TCERG1L: variants seen among roughly 807,000 people sequenced by gnomAD.
The protein encoded by TCERG1L is transcription elongation regulator 1 like.
In TCERG1L, 37 loss-of-function variants were observed where a neutral mutation model predicts 56.3. The ratio of observed to expected loss-of-function variants is 0.66; its 90% CI spans 0.51 to 0.87. TCERG1L has a LOEUF of 0.87. Ranked by LOEUF, TCERG1L falls within the 40% of genes least tolerant of loss-of-function variation. TCERG1L has a pLI of 0.00. For synonymous variants in TCERG1L, 324 were observed against 326.3 expected (o/e 0.99, Z 0.08); for missense variants, 799 against 774.2 (o/e 1.03, Z -0.38).
intron 8 of TCERG1L, among the ~76,000 whole-genome samples, chr10:131,124,205 T>C (rs1845542164): frequency 6.6e-6 from 1 of 152,160 alleles, no homozygotes; most frequent in Non-Finnish European, 1.5e-5. Context: ...TCTCCAAGGC[T>C]GTAATTACAG....
At chr10:131,289,474 TGTGA>T (rs200364763) in intron 3 of TCERG1L, among the ~76,000 whole-genome samples, 30 of 147,584 alleles carry the variant, frequency 2.0e-4, no homozygotes, top group East Asian at 4.0e-4. Flanking sequence ...TCGGTGTGTG[TGTGA>T]GTGTATGTGT....
chr10:131,105,543 C>A (rs544857485), intron 9 of TCERG1L, among the ~76,000 whole-genome samples: 1 of 152,278 alleles, frequency 6.6e-6, no homozygotes, highest in Admixed American at 6.5e-5. Context: ...GGCTGGACTC[C>A]AGTCATGAGT....
chr10:131,288,017 T>C (rs1361627879), intron 3 of TCERG1L, among the ~76,000 whole-genome samples: 1 of 152,196 alleles, frequency 6.6e-6, no homozygotes, highest in Non-Finnish European at 1.5e-5. Flanking sequence ...TTTTCTGACT[T>C]CTTCCAGATG....
chr10:131,303,136 T>A (rs893619992), intron 3 of TCERG1L, among the ~76,000 whole-genome samples: 13 of 152,090 alleles, frequency 8.5e-5, no homozygotes, highest in African/African-American at 2.7e-4. Context: ...CCTCTGGGTA[T>A]ATACCCAGTA....
At chr10:131,159,944 C>G (rs1350347246) in intron 6 of TCERG1L, among the ~76,000 whole-genome samples, 1 of 152,192 alleles carries the variant, frequency 6.6e-6, no homozygotes, top group Admixed American at 6.5e-5. Context: ...TGGTGGCGGT[C>G]TGCCAATACT....
chr10:131,215,263 C>T (rs904660759), intron 4 of TCERG1L, among the ~76,000 whole-genome samples: 1 of 152,176 alleles, frequency 6.6e-6, no homozygotes, highest in Admixed American at 6.5e-5. Flanking sequence ...CCACGTCGCC[C>T]CACAGGGAGC....
chr10:131,240,995 G>A (rs1163414670), intron 4 of TCERG1L, among the ~76,000 whole-genome samples: 2 of 152,226 alleles, frequency 1.3e-5, no homozygotes, highest in African/African-American at 2.4e-5. Flanking sequence ...TCCTTCACCG[G>A]GAAAGCACGG....
chr10:131,243,962 G>C (rs1276818205), intron 4 of TCERG1L, among the ~76,000 whole-genome samples: 1 of 152,178 alleles, frequency 6.6e-6, no homozygotes, highest in Admixed American at 6.5e-5. Context: ...CTCTATTTGG[G>C]GATGGTTTGC....
intron 4 of TCERG1L, among the ~76,000 whole-genome samples, chr10:131,198,585 G>C (rs1845392629): frequency 1.3e-5 from 2 of 152,246 alleles, no homozygotes; most frequent in African/African-American, 4.8e-5. Flanking sequence ...TCCAAGGCAG[G>C]TTCCTGGCTG....
chr10:131,100,685 C>A (rs1002359598), intron 10 of TCERG1L, among the ~76,000 whole-genome samples: 1 of 152,188 alleles, frequency 6.6e-6, no homozygotes, highest in Non-Finnish European at 1.5e-5. Context: ...CTGTGCAGCT[C>A]CCCCGGCAGA....
Position 131,093,034 on chromosome 10 carries a change from G to A in TCERG1L, c.*128C>T, listed in dbSNP as rs1169043459. ...GTAATCCTCTGAGAACGAAGACCCC[G>A]CAGTGCCGGTGCCCGCTGGGCCGTG... is the stretch of plus-strand genomic sequence containing the variant. On this transcript the variant is annotated 3_prime_UTR_variant, in exon 12 of 12. Transcript: ENST00000368642. 17 of 862,762 alleles carry A rather than the reference G, an allele frequency of 2.0e-5. No homozygotes were observed. Among genetic ancestry groups the A allele is most frequent in the Admixed American group, 1.7e-4 (6 of 35,880 alleles). 53.4% of individuals were successfully genotyped at this position (862,762 alleles called of 1,614,324 possible). A position where few individuals can be genotyped will look rare whatever the true frequency, so the allele number is the denominator to read the frequency against.
At chr10:131,248,204 C>G (rs1846061618) in intron 4 of TCERG1L, among the ~76,000 whole-genome samples, 1 of 122,204 alleles carries the variant, frequency 8.2e-6, no homozygotes, top group Non-Finnish European at 1.6e-5. Context: ...ACACTACTCA[C>G]ACACAACTCT....
At chr10:131,250,920 A>T (rs1846103461) in intron 4 of TCERG1L, among the ~76,000 whole-genome samples, 1 of 152,098 alleles carries the variant, frequency 6.6e-6, no homozygotes, top group South Asian at 2.1e-4. Context: ...TGCCAGACAC[A>T]TAAAGTCCTT....
chr10:131,169,076 G>A (rs1473923368), intron 4 of TCERG1L, among the ~76,000 whole-genome samples: 1 of 152,144 alleles, frequency 6.6e-6, no homozygotes, highest in Non-Finnish European at 1.5e-5. Flanking sequence ...ATTGCATTAA[G>A]ATTTCCGGAA....
chr10:131,180,130 G>A (rs1263966385), intron 4 of TCERG1L, among the ~76,000 whole-genome samples: 2 of 152,220 alleles, frequency 1.3e-5, no homozygotes, highest in Non-Finnish European at 2.9e-5. Context: ...AGAGGGGAGA[G>A]AGGCTAGGGG....
chr10:131,194,126 C>A (rs572002124), intron 4 of TCERG1L, among the ~76,000 whole-genome samples: 5 of 152,232 alleles, frequency 3.3e-5, no homozygotes, highest in Admixed American at 2.6e-4. Context: ...AGCTTTGACC[C>A]GTGCCAAAGC....
chr10:131,110,502 G>A (rs1247605300), intron 9 of TCERG1L, among the ~76,000 whole-genome samples: 1 of 152,184 alleles, frequency 6.6e-6, no homozygotes, highest in African/African-American at 2.4e-5. Flanking sequence ...AGCACCCACA[G>A]CAGCTTGAGC....
At chr10:131,155,432 C>T (rs780561311) in intron 6 of TCERG1L, among the ~76,000 whole-genome samples, 5 of 152,210 alleles carry the variant, frequency 3.3e-5, no homozygotes, top group African/African-American at 7.2e-5. Context: ...GGAGGCTTGC[C>T]GGGAGGGCAG....
chr10:131,104,037 T>G (rs1845327383), intron 10 of TCERG1L, among the ~76,000 whole-genome samples: 1 of 152,238 alleles, frequency 6.6e-6, no homozygotes, highest in Non-Finnish European at 1.5e-5. Context: ...TGTTCATCTT[T>G]AAAAGTATTT....
Sources: allele counts gnomAD v4.1 joint callset (sites outside exome capture counted in the v4.1 genomes callset), GRCh38; gene constraint gnomAD v4.1.1; transcripts MANE v1.5; gene names NCBI Gene and HGNC (gene_info 2026-07-23, HGNC 2026-07-21).